Variants in SGK3 observed in about 807,000 individuals in gnomAD.
The protein encoded by SGK3 is serine/threonine-protein kinase Sgk3.
Under a neutral mutation model 68.5 loss-of-function variants are expected in SGK3, and 47 were observed. The ratio of observed to expected loss-of-function variants is 0.69; its 90% CI spans 0.54 to 0.87. The LOEUF (loss-of-function observed/expected upper bound fraction) is 0.87. Among genes scored for constraint, SGK3 ranks in the 40% least tolerant of loss-of-function variants. SGK3 has a pLI of 0.00. For synonymous variants in SGK3, 181 were observed against 189.1 expected, an observed-to-expected ratio of 0.96 and a Z score of 0.35; for missense variants, 479 against 575.5, an observed-to-expected ratio of 0.83 and a Z score of 1.72.
chr8:66,750,558 C>T (rs942194268), intron 1 of SGK3, among the ~76,000 whole-genome samples: 2 of 149,474 alleles, frequency 1.3e-5, no homozygotes, highest in East Asian at 2.0e-4. Flanking sequence ...CATGGTGGCA[C>T]GTGCCTGTAG....
At chr8:66,788,538 A>C (rs1015994947) in intron 1 of SGK3, among the ~76,000 whole-genome samples, 3 of 152,190 alleles carry the variant, frequency 2.0e-5, no homozygotes, top group African/African-American at 7.2e-5. Flanking sequence ...GCATAGGCTC[A>C]AGGGTTAGGG....
intron 15 of SGK3, among the ~76,000 whole-genome samples, 185 bp downstream of exon 15, chr8:66,847,533 C>T (rs1354382453): frequency 6.6e-6 from 1 of 152,180 alleles, no homozygotes; most frequent in Admixed American, 6.5e-5. Context: ...GTATTTAAAG[C>T]ACTTTCTGTT....
chr8:66,829,366 C>T (rs978290451), intron 7 of SGK3, among the ~76,000 whole-genome samples: 10 of 152,066 alleles, frequency 6.6e-5, no homozygotes, highest in Non-Finnish European at 1.0e-4. Context: ...TTTTGCTCTA[C>T]TTGGAGAATG....
chr8:66,744,483 GTATATATATATATATATATATA>G (rs869176585), intron 1 of SGK3, among the ~76,000 whole-genome samples: 10 of 40,756 alleles, frequency 2.5e-4, no homozygotes, highest in Non-Finnish European at 1.9e-4. Flanking sequence ...GTGTGTGTGT[GTATATATATATATATATATATA>G]TATATATATA....
chr8:66,762,572 G>A (rs2130465388), intron 1 of SGK3, among the ~76,000 whole-genome samples: 1 of 151,966 alleles, frequency 6.6e-6, no homozygotes, highest in Admixed American at 6.5e-5. Context: ...AAAACCCACT[G>A]ATTTTTTTCT....
At chr8:66,847,890 A>G (rs1170823816) in intron 15 of SGK3, among the ~76,000 whole-genome samples, 2 of 144,096 alleles carry the variant, frequency 1.4e-5, no homozygotes, top group Non-Finnish European at 3.0e-5. Context: ...TTTTTTTAAG[A>G]ATTTGGTGAG....
At chr8:66,763,965 G>A (rs1806245026) in intron 1 of SGK3, among the ~76,000 whole-genome samples, 1 of 152,186 alleles carries the variant, frequency 6.6e-6, no homozygotes, top group Non-Finnish European at 1.5e-5. Context: ...AACCATCAGG[G>A]CTCAAGTGAT....
chr8:66,774,962 C>G (rs999022414), intron 1 of SGK3, among the ~76,000 whole-genome samples: 6 of 152,238 alleles, frequency 3.9e-5, no homozygotes, highest in Non-Finnish European at 7.3e-5. Context: ...CCAAGGCTCT[C>G]TTCACCTTCC....
At chr8:66,779,585 T>G (rs55797958) in intron 1 of SGK3, among the ~76,000 whole-genome samples, 2,282 of 136,054 alleles carry the variant, frequency 0.017, 80 homozygotes, top group African/African-American at 0.057. Flanking sequence ...TATATATATA[T>G]ATATATATAT....
At chr8:66,853,505 A>G (rs1179775345) in intron 16 of SGK3, among the ~76,000 whole-genome samples, 1 of 152,170 alleles carries the variant, frequency 6.6e-6, no homozygotes, top group Non-Finnish European at 1.5e-5. Context: ...AGGGAAAGGG[A>G]GAGTGGGGTT....
chr8:66,725,079 G>T (rs1285221910), intron 1 of SGK3, among the ~76,000 whole-genome samples: 1 of 152,052 alleles, frequency 6.6e-6, no homozygotes, highest in Non-Finnish European at 1.5e-5. Flanking sequence ...ACAAAAATTA[G>T]CTGGGTGTGG....
At chr8:66,825,490 G>C (rs1415535972) in intron 6 of SGK3, among the ~76,000 whole-genome samples, 1 of 151,816 alleles carries the variant, frequency 6.6e-6, no homozygotes, top group Non-Finnish European at 1.5e-5. Context: ...TACCATGCCC[G>C]GCTAATTTTT....
chr8:66,766,416 G>C (rs1275722080), intron 1 of SGK3, among the ~76,000 whole-genome samples: 1 of 152,068 alleles, frequency 6.6e-6, no homozygotes, highest in Non-Finnish European at 1.5e-5. Flanking sequence ...TCAGCTACTC[G>C]AGAGGCTGAA....
chr8:66,789,368 T>A (rs1807342823), intron 1 of SGK3, among the ~76,000 whole-genome samples: 1 of 152,224 alleles, frequency 6.6e-6, no homozygotes, highest in South Asian at 2.1e-4. Context: ...GTTACTTTCT[T>A]AGTAGGAAAA....
At chr8:66,779,252 A>G (rs1243227289) in intron 1 of SGK3, among the ~76,000 whole-genome samples, 1 of 152,104 alleles carries the variant, frequency 6.6e-6, no homozygotes, top group African/African-American at 2.4e-5. Context: ...TGAATTTTAT[A>G]TTACAAGCAT....
At chr8:66,751,742 T>TTTTATTTA (rs61222034) in intron 1 of SGK3, among the ~76,000 whole-genome samples, 10,382 of 147,824 alleles carry the variant, frequency 0.07, 655 homozygotes, top group African/African-American at 0.16. Context: ...AAATCATTCA[T>TTTTATTTA]TTTATTTATT....
At chr8:66,859,307 C>A in intron 16 of SGK3, 104 bp from the exon 17 acceptor site, 22 of 1,310,164 alleles carry the variant, frequency 1.7e-5, no homozygotes, top group Non-Finnish European at 2.1e-5. Context: ...GCATGCCAGC[C>A]CAGGTGGCAG....
chr8:66,787,983 C>T (rs939471775), intron 1 of SGK3, among the ~76,000 whole-genome samples: 11 of 152,188 alleles, frequency 7.2e-5, no homozygotes, highest in African/African-American at 2.4e-4. Flanking sequence ...CCCTTCACCC[C>T]TCTCTTTCAG....
intron 8 of SGK3, among the ~76,000 whole-genome samples, chr8:66,834,246 A>G (rs1809417460): frequency 6.6e-6 from 1 of 151,270 alleles, no homozygotes; most frequent in African/African-American, 2.4e-5. Context: ...GAACTATGCT[A>G]TATGCCACAA....
Sources: allele counts gnomAD v4.1 joint callset (sites outside exome capture counted in the v4.1 genomes callset), GRCh38; gene constraint gnomAD v4.1.1; transcripts MANE v1.5; gene names NCBI Gene and HGNC (gene_info 2026-07-23, HGNC 2026-07-21).